The following ROBO2 variants were observed in gnomAD, a reference collection of about 807,000 sequenced individuals.
ROBO2 encodes roundabout homolog 2.
Under a neutral mutation model 160.8 loss-of-function variants are expected in ROBO2, and 53 were observed. That is an observed-to-expected ratio of 0.33 (90% confidence interval 0.26 to 0.41). The LOEUF (loss-of-function observed/expected upper bound fraction) is 0.41, where lower values mean the gene tolerates loss of function less well. ROBO2 is among the 10% of genes least tolerant of loss of function. The probability of loss-of-function intolerance (pLI) is 1.00; values close to 1 mark genes in which losing one functional copy is unlikely to be tolerated. For missense variants in ROBO2, 1,577 were observed against 1,722.4 expected, an observed-to-expected ratio of 0.92 and a Z score of 1.49; for synonymous variants, 664 against 611.7, an observed-to-expected ratio of 1.09 and a Z score of -1.26.
At chr3:77,040,878 GC>G (rs759603342) in intron 1 of ROBO2, 32 bp downstream of exon 1, 5 of 1,610,762 alleles carry the variant, frequency 3.1e-6, no homozygotes, top group African/African-American at 1.4e-5. Flanking sequence ...CTTTTTTTGC[GC>G]CCCCCACCCC....
intron 23 of ROBO2, among the ~76,000 whole-genome samples, chr3:77,628,215 G>C (rs991002317): frequency 3.3e-5 from 5 of 152,108 alleles, no homozygotes; most frequent in African/African-American, 1.2e-4. Flanking sequence ...GTTTAAATAT[G>C]TATTGATTAT....
intron 2 of ROBO2, among the ~76,000 whole-genome samples, chr3:76,931,831 C>A (rs2077365081): frequency 6.6e-6 from 1 of 152,022 alleles, no homozygotes; most frequent in Non-Finnish European, 1.5e-5. Context: ...CAGGCACCTG[C>A]CACCACGCCT....
chr3:76,139,379 T>C (rs1272820649), intron 2 of ROBO2, among the ~76,000 whole-genome samples: 2 of 152,064 alleles, frequency 1.3e-5, no homozygotes, highest in African/African-American at 4.8e-5. Flanking sequence ...TGGATAGCTA[T>C]AAATAAAAAA....
At chr3:76,179,357 C>T (rs1443787710) in intron 2 of ROBO2, among the ~76,000 whole-genome samples, 2 of 152,234 alleles carry the variant, frequency 1.3e-5, no homozygotes, top group East Asian at 3.9e-4. Context: ...CTTTCCCATG[C>T]CCACTGCAAA....
intron 2 of ROBO2, among the ~76,000 whole-genome samples, chr3:77,003,599 C>T (rs942672204): frequency 1.3e-5 from 2 of 152,160 alleles, no homozygotes; most frequent in Non-Finnish European, 2.9e-5. Context: ...CTCACTCTGT[C>T]ACTCAGGCTG....
chr3:76,550,756 G>C (rs1315993035), intron 2 of ROBO2, among the ~76,000 whole-genome samples: 1 of 152,232 alleles, frequency 6.6e-6, no homozygotes, highest in African/African-American at 2.4e-5. Context: ...CCAAACCCAG[G>C]TGCTGGCACG....
chr3:76,213,863 A>T (rs184663607), intron 2 of ROBO2, among the ~76,000 whole-genome samples: 1 of 152,228 alleles, frequency 6.6e-6, no homozygotes, highest in Admixed American at 6.6e-5. Context: ...ATGCCACCTG[A>T]ATTTATCAAG....
chr3:76,694,388 A>C (rs906849258), intron 2 of ROBO2, among the ~76,000 whole-genome samples: 19 of 152,258 alleles, frequency 1.2e-4, no homozygotes, highest in Admixed American at 1.1e-3. Flanking sequence ...AAACTGTGCC[A>C]AGCTAATTAG....
At chr3:76,261,440 T>A (rs1054423309) in intron 2 of ROBO2, among the ~76,000 whole-genome samples, 3 of 151,962 alleles carry the variant, frequency 2.0e-5, no homozygotes, top group African/African-American at 4.8e-5. Flanking sequence ...TGCCATTTTT[T>A]TGGGGGGGAA....
rs550132066 is a variant in ROBO2 at position 77,321,793 on chromosome 3, T to C, written c.389-155621T>C. Among the ~76,000 whole-genome samples the C allele has an allele frequency of 1.8e-4, 27 of 151,356 alleles. No homozygotes were observed. The South Asian group carries it at 5.3e-3, about 30-fold the overall frequency. Reference sequence around the variant, plus strand: ...GGCAAGCGGCAAGTGAACCGAGAACTGTGCAAAGAGATGAGTACTAATGGA... The same window carrying C: ...GGCAAGCGGCAAGTGAACCGAGAACCGTGCAAAGAGATGAGTACTAATGGA... On this transcript the variant is annotated intron_variant, in intron 2 of 25. Coordinates refer to ENST00000461745, the Ensembl canonical transcript of ROBO2.
At chr3:76,212,892 C>T (rs1381851657) in intron 2 of ROBO2, among the ~76,000 whole-genome samples, 2 of 103,268 alleles carry the variant, frequency 1.9e-5, no homozygotes, top group African/African-American at 7.2e-5. Context: ...TAAAAGCCTT[C>T]CTTATATCAT....
At chr3:76,246,797 T>G (rs1705649792) in intron 2 of ROBO2, among the ~76,000 whole-genome samples, 1 of 152,146 alleles carries the variant, frequency 6.6e-6, no homozygotes, top group Admixed American at 6.6e-5. Context: ...GTTGACTCTA[T>G]TTCTTTTTAC....
chr3:76,728,781 A>G (rs991213869), intron 2 of ROBO2, among the ~76,000 whole-genome samples: 7 of 152,246 alleles, frequency 4.6e-5, no homozygotes, highest in African/African-American at 1.4e-4. Flanking sequence ...AAATATGCTT[A>G]TACAAAAATC....
At chr3:76,745,050 C>A (rs1418868111) in intron 2 of ROBO2, among the ~76,000 whole-genome samples, 2 of 152,154 alleles carry the variant, frequency 1.3e-5, no homozygotes, top group Non-Finnish European at 2.9e-5. Flanking sequence ...TTTCAAATTA[C>A]ATTAAAAATA....
intron 1 of ROBO2, among the ~76,000 whole-genome samples, chr3:77,054,652 C>A (rs9811610): frequency 4.6e-5 from 7 of 152,062 alleles, no homozygotes; most frequent in Non-Finnish European, 8.8e-5. Flanking sequence ...AGATAGAAAT[C>A]GCCATTTTTT....
intron 2 of ROBO2, among the ~76,000 whole-genome samples, chr3:77,377,894 G>C (rs2072907171): frequency 6.6e-6 from 1 of 152,216 alleles, no homozygotes; most frequent in South Asian, 2.1e-4. Flanking sequence ...AAACAGAGCA[G>C]TTCAGAACTA....
At chr3:76,318,601 G>A (rs549232074) in intron 2 of ROBO2, among the ~76,000 whole-genome samples, 2 of 152,020 alleles carry the variant, frequency 1.3e-5, no homozygotes, top group Non-Finnish European at 2.9e-5. Context: ...TAGTGTTGGG[G>A]TTCATGAATG....
chr3:76,706,336 T>C (rs1217550183), intron 2 of ROBO2, among the ~76,000 whole-genome samples: 3 of 152,136 alleles, frequency 2.0e-5, no homozygotes, highest in South Asian at 2.1e-4. Flanking sequence ...TTTGGTATTA[T>C]TGAAGTCAAT....
chr3:77,642,226 C>T (rs968640261), intron 24 of ROBO2, among the ~76,000 whole-genome samples: 1 of 152,134 alleles, frequency 6.6e-6, no homozygotes, highest in African/African-American at 2.4e-5. Flanking sequence ...CTAAATTTCC[C>T]GAGGGTGACA....
Sources: gnomAD v4.1 joint callset for allele counts (sites outside exome capture counted in the v4.1 genomes callset) on GRCh38, gnomAD v4.1.1 for gene constraint, MANE v1.5 for transcripts, NCBI Gene and HGNC (gene_info 2026-07-23, HGNC 2026-07-21) for gene names.